The following DOCK4 variants were observed in gnomAD, a reference collection of about 807,000 sequenced individuals.
DOCK4 encodes the protein dedicator of cytokinesis 4.
A neutral mutation model predicts 268.1 loss-of-function variants in DOCK4; 97 were observed. The ratio of observed to expected loss-of-function variants is 0.36; its 90% CI spans 0.31 to 0.43. The LOEUF (loss-of-function observed/expected upper bound fraction) is 0.43. DOCK4 is among the 20% of genes least tolerant of loss of function. The pLI, the probability that DOCK4 is intolerant of heterozygous loss-of-function variation, is 1.00. For synonymous variants in DOCK4, 954 were observed against 887.2 expected, an observed-to-expected ratio of 1.08 and a Z score of -1.34; for missense variants, 2,145 against 2,455.7, an observed-to-expected ratio of 0.87 and a Z score of 2.67.
Position 111,765,133 on chromosome 7 carries a change from A to C in DOCK4, c.4005T>G (p.Phe1335Leu). The change falls in exon 39 of 53, where the codon TTT becomes TTG. Residue 1335 changes from phenylalanine to leucine, a missense_variant. Physicochemically the swap from Phe to Leu is conservative, Grantham distance 22. Coordinates refer to ENST00000428084, the MANE Select transcript of DOCK4 (RefSeq NM_001363540.2). ...TATTACTTACTCTTAAGAAAAATGG[A>C]AATTTTTTTCCATAAAATCCAACTC... ...FFRVGFYGKK[F>L]PFFLRNKEFV... 1.3e-6 allele frequency: 2 copies of C among 1,526,622 alleles called. No homozygotes were observed. The highest frequency in any genetic ancestry group is 1.8e-6 in the Non-Finnish European group (2 of 1,138,886). The allele number at this position is 1,526,622 out of a possible 1,614,324, so 94.6% of individuals were successfully genotyped here. A position where few individuals can be genotyped will look rare whatever the true frequency, so the allele number is the denominator to read the frequency against.
chr7:112,159,110 G>A (rs900533006), intron 1 of DOCK4, among the ~76,000 whole-genome samples: 1 of 152,156 alleles, frequency 6.6e-6, no homozygotes, highest in African/African-American at 2.4e-5. Context: ...CTCCCTACCA[G>A]TACATCACTG....
chr7:111,787,555 T>C (rs538970185), intron 32 of DOCK4, among the ~76,000 whole-genome samples: 1 of 152,294 alleles, frequency 6.6e-6, no homozygotes, highest in South Asian at 2.1e-4. Context: ...TTCCTTTTAA[T>C]GTAATTTTCT....
At chr7:111,921,240 G>A (rs1436878457) in intron 12 of DOCK4, among the ~76,000 whole-genome samples, 2 of 152,058 alleles carry the variant, frequency 1.3e-5, no homozygotes, top group African/African-American at 4.8e-5. Flanking sequence ...CATTAATCTG[G>A]AGTCTGCCAT....
intron 12 of DOCK4, among the ~76,000 whole-genome samples, chr7:111,917,201 T>A (rs1031765264): frequency 6.6e-6 from 1 of 151,844 alleles, no homozygotes. Context: ...TTGGCCAGGA[T>A]GGTCTCGAGC....
chr7:112,066,565 T>TAC (rs1554433102), intron 1 of DOCK4, among the ~76,000 whole-genome samples: 1,492 of 135,778 alleles, frequency 0.011, 24 homozygotes, highest in Admixed American at 0.018. Context: ...TACGTATATA[T>TAC]ACACGTGTGT....
rs534419748 is a variant in DOCK4 at position 111,803,711 on chromosome 7, C to T, written c.3166+5110G>A. On this transcript the variant is annotated intron_variant, in intron 30 of 52. Transcript: ENST00000428084. ...CTGTTCTTGCAAGTAGGGGTACAGACGGGTAAAGTTTTGGGGGAAAATATA... is the reference window on the plus strand; with the variant it reads ...CTGTTCTTGCAAGTAGGGGTACAGATGGGTAAAGTTTTGGGGGAAAATATA... 1.3e-4 allele frequency among the ~76,000 whole-genome samples: 20 copies of T among 152,238 alleles called. No individual in the cohort carries two copies. The East Asian group carries it at 1.4e-3, about 10-fold the overall frequency.
In DOCK4 at chr7:112,096,924, G is replaced by A. The variant is rs190633018; in HGVS notation, c.38-92793C>T. Among the ~76,000 whole-genome samples the A allele has an allele frequency of 1.8e-3, 278 of 152,274 alleles. 1 individual carries two copies. Among genetic ancestry groups the A allele is most frequent in the African/African-American group, 2.6e-3 (107 of 41,554 alleles). ...GTAGGCTGTCTGCATAAAAGGGGCC[G>A]AGCAGCAAGGCTCAGGGGCAGAACT... On this transcript the variant is annotated intron_variant, in intron 1 of 52. Coordinates refer to ENST00000428084, the MANE Select transcript of DOCK4 (RefSeq NM_001363540.2).
intron 1 of DOCK4, among the ~76,000 whole-genome samples, chr7:112,015,806 T>C (rs1801760637): frequency 6.6e-6 from 1 of 152,204 alleles, no homozygotes; most frequent in South Asian, 2.1e-4. Context: ...AGCTAGCAAG[T>C]CCAAGATCAA....
At chr7:111,824,948 TA>T (rs1233360916) in intron 26 of DOCK4, among the ~76,000 whole-genome samples, 3 of 152,118 alleles carry the variant, frequency 2.0e-5, no homozygotes, top group Non-Finnish European at 2.9e-5. Context: ...AAACCAAACA[TA>T]TTCAACAGTA....
chr7:111,978,204 G>A (rs1433508381), intron 7 of DOCK4, among the ~76,000 whole-genome samples: 1 of 152,152 alleles, frequency 6.6e-6, no homozygotes, highest in East Asian at 1.9e-4. Context: ...AACTGCAACT[G>A]TGATGAATGG....
intron 1 of DOCK4, among the ~76,000 whole-genome samples, chr7:112,154,008 G>T (rs1816353155): frequency 6.6e-6 from 1 of 152,166 alleles, no homozygotes; most frequent in Non-Finnish European, 1.5e-5. Context: ...GTCTCACTCT[G>T]TTACCCAGGC....
At chr7:112,004,011 G>T in intron 2 of DOCK4, 37 bp downstream of exon 2, 1 of 1,477,298 alleles carries the variant, frequency 6.8e-7, no homozygotes, top group African/African-American at 1.4e-5. Flanking sequence ...TTTATGAACA[G>T]CCGTATGTTG....
intron 1 of DOCK4, among the ~76,000 whole-genome samples, chr7:112,176,395 T>C (rs1281538351): frequency 6.6e-6 from 1 of 152,196 alleles, no homozygotes; most frequent in African/African-American, 2.4e-5. Flanking sequence ...GACTTCACAA[T>C]GCTCTATTTG....
intron 1 of DOCK4, among the ~76,000 whole-genome samples, chr7:112,149,327 G>A (rs1385300964): frequency 1.3e-5 from 2 of 151,956 alleles, no homozygotes; most frequent in Non-Finnish European, 2.9e-5. Context: ...CCAGCTCTAA[G>A]GAAGAAAAAA....
chr7:111,812,683 C>T (rs1801228384), intron 27 of DOCK4, among the ~76,000 whole-genome samples: 1 of 152,212 alleles, frequency 6.6e-6, no homozygotes, highest in African/African-American at 2.4e-5. Context: ...ATTTATTAGA[C>T]TTCTCTCTGT....
intron 1 of DOCK4, among the ~76,000 whole-genome samples, chr7:112,127,847 G>A (rs1813384398): frequency 6.6e-6 from 1 of 152,048 alleles, no homozygotes; most frequent in South Asian, 2.1e-4. Context: ...TGGCCTACAG[G>A]GTAAAACCCC....
At position 112,206,179 on chromosome 7, in the gene DOCK4, G is replaced by T. The variant is rs373368066; in HGVS notation, c.-41C>A. 4.7e-5 allele frequency: 73 copies of T among 1,553,912 alleles called. No individual in the cohort carries two copies. In the East Asian group the frequency reaches 5.1e-4, roughly 11 times the overall value. ...GGGGTCTTCAGGCTTTGTAATCCCC[G>T]CGCCCCTTCTCCGGCTCACAACAAT... On this transcript the variant is annotated 5_prime_UTR_variant, in exon 1 of 53. Transcript: ENST00000428084.
chr7:111,790,201 T>C (rs1799436445), intron 31 of DOCK4, among the ~76,000 whole-genome samples: 1 of 152,136 alleles, frequency 6.6e-6, no homozygotes, highest in South Asian at 2.1e-4. Flanking sequence ...AGTTCTTAAA[T>C]ACAGATCTGG....
chr7:111,889,296 A>G (rs13229944), intron 16 of DOCK4, among the ~76,000 whole-genome samples: 75,220 of 151,930 alleles, frequency 0.5, 21,225 homozygotes, highest in African/African-American at 0.78. Flanking sequence ...AGCCTGGGGA[A>G]GACAGATATG....
Sources: allele counts gnomAD v4.1 joint callset (sites outside exome capture counted in the v4.1 genomes callset), GRCh38; gene constraint gnomAD v4.1.1; transcripts MANE v1.5; gene names NCBI Gene and HGNC (gene_info 2026-07-23, HGNC 2026-07-21).